PITPNC1: variants seen among roughly 807,000 people sequenced by gnomAD.
PITPNC1 encodes phosphatidylinositol transfer protein cytoplasmic 1.
A neutral mutation model predicts 44.7 loss-of-function variants in PITPNC1; 18 were observed. The ratio of observed to expected loss-of-function variants is 0.40; its 90% CI spans 0.28 to 0.60. The LOEUF is 0.60. PITPNC1 is among the 20% of genes least tolerant of loss of function. PITPNC1 has a pLI of 0.39. For missense variants in PITPNC1, 290 were observed against 418.4 expected, an observed-to-expected ratio of 0.69 and a Z score of 2.68; for synonymous variants, 141 against 149.6, an observed-to-expected ratio of 0.94 and a Z score of 0.42.
chr17:67,579,256 T>C (rs1179232714), intron 5 of PITPNC1, among the ~76,000 whole-genome samples: 1 of 152,218 alleles, frequency 6.6e-6, no homozygotes, highest in East Asian at 1.9e-4. Flanking sequence ...CTAACTTCTC[T>C]TTTCTTTGGG....
intron 1 of PITPNC1, among the ~76,000 whole-genome samples, chr17:67,488,552 T>C (rs2039816205): frequency 6.6e-6 from 1 of 152,238 alleles, no homozygotes. Context: ...ATGTGGGCTC[T>C]TTTTTTGTTC....
At chr17:67,472,729 A>G (rs1884722330) in intron 1 of PITPNC1, among the ~76,000 whole-genome samples, 1 of 152,042 alleles carries the variant, frequency 6.6e-6, no homozygotes. Flanking sequence ...GGCCACATTC[A>G]AAGCTGTCCT....
chr17:67,503,033 T>G (rs1228212133), intron 1 of PITPNC1, among the ~76,000 whole-genome samples: 1 of 152,064 alleles, frequency 6.6e-6, no homozygotes, highest in African/African-American at 2.4e-5. Flanking sequence ...TGACCTCAGG[T>G]GATCCACCCA....
chr17:67,510,503 C>G (rs1184009027), intron 1 of PITPNC1, among the ~76,000 whole-genome samples: 1 of 152,204 alleles, frequency 6.6e-6, no homozygotes, highest in African/African-American at 2.4e-5. Context: ...TCAGAAGCCT[C>G]TCTAATGCCT....
chr17:67,587,653 G>T (rs1165690608), intron 5 of PITPNC1, among the ~76,000 whole-genome samples: 2 of 152,142 alleles, frequency 1.3e-5, no homozygotes, highest in African/African-American at 4.8e-5. Context: ...CCTTCTGATG[G>T]CTTCCAGGTC....
At position 67,418,145 on chromosome 17, in the gene PITPNC1, T is replaced by C. The variant is rs541423838; in HGVS notation, c.48+39943T>C. ...AACAGATGATTTGGATCTTTAAGGC[T>C]CCCAGGCACATGACTTTATTCTCAG... On this transcript the variant is annotated intron_variant, in intron 1 of 8. Coordinates refer to ENST00000581322, the MANE Select transcript of PITPNC1 (RefSeq NM_012417.4). Among the ~76,000 whole-genome samples the C allele has an allele frequency of 2.0e-5, 3 of 152,320 alleles. No individual in the cohort carries two copies. In the South Asian group the frequency reaches 6.2e-4, roughly 32 times the overall value.
intron 1 of PITPNC1, among the ~76,000 whole-genome samples, chr17:67,467,016 C>T (rs771804391): frequency 6.6e-6 from 1 of 151,184 alleles, no homozygotes; most frequent in Non-Finnish European, 1.5e-5. Context: ...TGCTTTTCTT[C>T]CCAATTTAGC....
chr17:67,626,828 A>T (rs2041902191), intron 5 of PITPNC1, among the ~76,000 whole-genome samples: 1 of 152,058 alleles, frequency 6.6e-6, no homozygotes, highest in Admixed American at 6.6e-5. Context: ...TGAAAAAAAA[A>T]AAAAAAACCT....
chr17:67,466,194 G>A (rs1378559601), intron 1 of PITPNC1, among the ~76,000 whole-genome samples: 2 of 130,926 alleles, frequency 1.5e-5, no homozygotes, highest in African/African-American at 2.9e-5. Flanking sequence ...AGAGATGGTG[G>A]GGTGGGGGGG....
At position 67,659,678 on chromosome 17, in the gene PITPNC1, T is replaced by C. The variant is rs79445386; in HGVS notation, c.463-9830T>C. Reference sequence around the variant, plus strand: ...AATTGATGGTGGCCATCTTTGGAGATGTATGGTAGATAATCTCTCAATTTA... The same window carrying C: ...AATTGATGGTGGCCATCTTTGGAGACGTATGGTAGATAATCTCTCAATTTA... On this transcript the variant is annotated intron_variant, in intron 6 of 8. Transcript: ENST00000581322. 0.015 allele frequency among the ~76,000 whole-genome samples: 2,292 copies of C among 152,270 alleles called. 147 individuals carry two copies. In the East Asian group the frequency reaches 0.21, roughly 14 times the overall value.
chr17:67,432,112 C>T (rs968676547), intron 1 of PITPNC1, among the ~76,000 whole-genome samples: 1 of 152,182 alleles, frequency 6.6e-6, no homozygotes, highest in African/African-American at 2.4e-5. Context: ...TATTTATAAG[C>T]GTGCTATGTT....
At chr17:67,636,026 C>T (rs1451183900) in intron 6 of PITPNC1, among the ~76,000 whole-genome samples, 1 of 152,080 alleles carries the variant, frequency 6.6e-6, no homozygotes, top group Non-Finnish European at 1.5e-5. Context: ...CAGCTGGGCG[C>T]GGTGGCTCAC....
intron 4 of PITPNC1, among the ~76,000 whole-genome samples, chr17:67,574,265 G>A (rs187228830): frequency 6.6e-6 from 1 of 152,304 alleles, no homozygotes; most frequent in Admixed American, 6.5e-5. Context: ...AAGTCAGCTG[G>A]CTCTGATGTC....
At position 67,640,711 on chromosome 17, in the gene PITPNC1, C is replaced by T. The variant is rs539031645; in HGVS notation, c.462+8473C>T. Among the ~76,000 whole-genome samples the T allele has an allele frequency of 2.0e-3, 295 of 148,200 alleles. 1 individual carries two copies. The highest frequency in any genetic ancestry group is 3.0e-3 in the Non-Finnish European group (199 of 67,204). On this transcript the variant is annotated intron_variant, in intron 6 of 8. Transcript: ENST00000581322. ...AAAAAAAAAAAAAAAAAAAAGAGGC[C>T]GGGCACAGTGGCTCACACCTGTAAT...
At chr17:67,467,301 G>A (rs1482064855) in intron 1 of PITPNC1, among the ~76,000 whole-genome samples, 2 of 151,966 alleles carry the variant, frequency 1.3e-5, no homozygotes, top group South Asian at 2.1e-4. Context: ...TGATCCACCC[G>A]CCTCAGCCTC....
chr17:67,593,752 A>T (rs1159242067), intron 5 of PITPNC1, among the ~76,000 whole-genome samples: 5 of 152,296 alleles, frequency 3.3e-5, no homozygotes, highest in African/African-American at 7.2e-5. Flanking sequence ...GAAAATATTC[A>T]TCTGAGTCTT....
chr17:67,519,171 G>GTTTTTTTTTTTTTTTTTTTTTTTTT (rs563294178), intron 1 of PITPNC1, among the ~76,000 whole-genome samples: 3 of 78,754 alleles, frequency 3.8e-5, no homozygotes, highest in African/African-American at 5.3e-5. Context: ...GCAGCATTCT[G>GTTTTTTTTTTTTTTTTTTTTTTTTT]TTTTTTTTTT....
At chr17:67,464,970 C>T (rs1032648346) in intron 1 of PITPNC1, among the ~76,000 whole-genome samples, 2 of 152,168 alleles carry the variant, frequency 1.3e-5, no homozygotes, top group African/African-American at 4.8e-5. Context: ...AACTCCTGAC[C>T]TCAGGTGATC....
In PITPNC1 at chr17:67,449,878, G is replaced by A. The variant is rs191063497; in HGVS notation, c.48+71676G>A. Among the ~76,000 whole-genome samples, 26 of 152,016 alleles carry A rather than the reference G, an allele frequency of 1.7e-4. No individual in the cohort carries two copies. In the East Asian group the frequency reaches 4.1e-3, roughly 24 times the overall value. Reference sequence around the variant, plus strand: ...TTAAAAAAATTCTTTTTGCAGAGATGGGGGTCTCACTATGTTGCTCAGGCT... The same window carrying A: ...TTAAAAAAATTCTTTTTGCAGAGATAGGGGTCTCACTATGTTGCTCAGGCT... On this transcript the variant is annotated intron_variant, in intron 1 of 8. Coordinates refer to ENST00000581322, the MANE Select transcript of PITPNC1 (RefSeq NM_012417.4).
Sources: allele counts gnomAD v4.1 joint callset (sites outside exome capture counted in the v4.1 genomes callset), GRCh38; gene constraint gnomAD v4.1.1; transcripts MANE v1.5; gene names NCBI Gene and HGNC (gene_info 2026-07-23, HGNC 2026-07-21).